TPRG1: variants seen among roughly 807,000 people sequenced by gnomAD.
TPRG1 encodes tumor protein p63 regulated 1.
A neutral mutation model predicts 29.3 loss-of-function variants in TPRG1; 29 were observed. The ratio of observed to expected loss-of-function variants is 0.99; its 90% confidence interval spans 0.74 to 1.35. TPRG1 has a LOEUF of 1.35. Ranked by LOEUF, TPRG1 falls within the 40% of genes most tolerant of loss-of-function variation. The pLI is 0.00. For synonymous variants in TPRG1, 130 were observed against 116.8 expected (o/e 1.11, Z -0.73); for missense variants, 327 against 335.0 (o/e 0.98, Z 0.19).
At chr3:189,023,089 C>T (rs968460776) in intron 3 of TPRG1, among the ~76,000 whole-genome samples, 3 of 152,226 alleles carry the variant, frequency 2.0e-5, no homozygotes, top group Admixed American at 6.5e-5. Context: ...CTTTGGCTCG[C>T]GCATGGTGCG....
intron 4 of TPRG1, among the ~76,000 whole-genome samples, chr3:189,308,786 C>T (rs1312750114): frequency 2.6e-5 from 4 of 152,076 alleles, no homozygotes; most frequent in African/African-American, 9.7e-5. Flanking sequence ...CATAAATTGA[C>T]ATATGAAGCA....
chr3:189,262,919 T>G (rs1713383545), intron 4 of TPRG1, among the ~76,000 whole-genome samples: 1 of 152,236 alleles, frequency 6.6e-6, no homozygotes. Context: ...TGTGGGCCTT[T>G]CCGTGAGGCT....
At chr3:189,034,494 A>G (rs1012730949) in intron 4 of TPRG1, among the ~76,000 whole-genome samples, 4 of 152,244 alleles carry the variant, frequency 2.6e-5, no homozygotes, top group African/African-American at 9.6e-5. Flanking sequence ...TATTGGCAAC[A>G]TAAACAATAT....
rs17489176 is a variant in TPRG1 at position 189,322,724 on chromosome 3, A to T, written c.*1904A>T. 0.021 allele frequency: 3,205 copies of T among 152,500 alleles called. 41 individuals are homozygous for T. The highest frequency in any genetic ancestry group is 0.034 in the Middle Eastern group (10 of 294). The allele number at this position is 152,500 out of a possible 1,614,324, so 9.4% of individuals were successfully genotyped here. ...CCTGACAATCGACTTCTCTCTGCAC[A>T]TTTGCCCCCTTTGTAACCTAAGCCA... On this transcript the variant is annotated 3_prime_UTR_variant, in exon 6 of 6. Transcript: ENST00000345063.
chr3:189,140,683 T>G (rs1724428422), intron 3 of TPRG1, among the ~76,000 whole-genome samples: 1 of 152,194 alleles, frequency 6.6e-6, no homozygotes, highest in African/African-American at 2.4e-5. Context: ...TACCTGCACC[T>G]TGAGCCTTTC....
In TPRG1 at chr3:189,320,829, T is replaced by G; in HGVS notation, c.*9T>G. 1 of 1,559,294 alleles carries G rather than the reference T, an allele frequency of 6.4e-7. No homozygotes were observed. The highest frequency in any genetic ancestry group is 8.7e-7 in the Non-Finnish European group (1 of 1,153,060). On this transcript the variant is annotated 3_prime_UTR_variant, in exon 6 of 6. Coordinates refer to ENST00000345063, the MANE Select transcript of TPRG1 (RefSeq NM_198485.4). ...GGAGTATTGGTTTTTGAGAGTCTTT[T>G]TGGTACCATAAGCATATCATCCACA... is the stretch of plus-strand genomic sequence containing the variant.
At chr3:189,317,060 A>G (rs930583936) in intron 5 of TPRG1, among the ~76,000 whole-genome samples, 1 of 152,156 alleles carries the variant, frequency 6.6e-6, no homozygotes, top group African/African-American at 2.4e-5. Context: ...TTGAGTATGA[A>G]ATAGTGCCAA....
chr3:189,198,939 CTTT>C (rs958451584), intron 1 of TPRG1, among the ~76,000 whole-genome samples: 1 of 152,124 alleles, frequency 6.6e-6, no homozygotes, highest in Non-Finnish European at 1.5e-5. Context: ...TCATTTTCTT[CTTT>C]ATGTATTTTT....
intron 1 of TPRG1, among the ~76,000 whole-genome samples, chr3:189,173,259 G>A (rs1452718712): frequency 6.6e-6 from 1 of 151,790 alleles, no homozygotes; most frequent in Non-Finnish European, 1.5e-5. Context: ...GTCATCCCTT[G>A]GGGCCACCAC....
chr3:189,129,581 C>T (rs1250125429), intron 2 of TPRG1, among the ~76,000 whole-genome samples: 2 of 152,126 alleles, frequency 1.3e-5, no homozygotes, highest in African/African-American at 4.8e-5. Flanking sequence ...CTAATTTTAG[C>T]CTCTTGTGGT....
At chr3:189,029,929 A>G (rs1017222863) in intron 4 of TPRG1, among the ~76,000 whole-genome samples, 1 of 152,224 alleles carries the variant, frequency 6.6e-6, no homozygotes, top group Non-Finnish European at 1.5e-5. Flanking sequence ...ATAAGCAGAT[A>G]TCAGCATCAG....
chr3:189,268,194 A>G (rs2109069571), intron 4 of TPRG1, among the ~76,000 whole-genome samples: 1 of 152,268 alleles, frequency 6.6e-6, no homozygotes, highest in African/African-American at 2.4e-5. Context: ...TTTGTCATGT[A>G]CACTCTTGAC....
chr3:189,219,808 G>A, intron 3 of TPRG1: 4 of 1,075,474 alleles, frequency 3.7e-6, no homozygotes, highest in Non-Finnish European at 4.6e-6. Flanking sequence ...GTTGCCTAAG[G>A]TATTTAAAAA....
At chr3:189,208,905 G>T (rs749174751) in intron 2 of TPRG1, among the ~76,000 whole-genome samples, 67 of 152,320 alleles carry the variant, frequency 4.4e-4, no homozygotes, top group Middle Eastern at 3.4e-3. Flanking sequence ...TGGGACTATG[G>T]AAAGTTGTTT....
chr3:189,307,775 A>G (rs1006693886), intron 4 of TPRG1, among the ~76,000 whole-genome samples: 1 of 152,202 alleles, frequency 6.6e-6, no homozygotes, highest in African/African-American at 2.4e-5. Context: ...ACTGGGCTAT[A>G]GCTTCCAAGA....
intron 3 of TPRG1, among the ~76,000 whole-genome samples, chr3:189,016,632 G>A (rs2152123639): frequency 6.6e-6 from 1 of 152,204 alleles, no homozygotes. Context: ...TGAGGGACCA[G>A]GTGGGAGGTA....
In TPRG1 at chr3:189,298,626, G is replaced by A. The variant is rs111737994; in HGVS notation, c.480-11760G>A. ...TGGTTGGTAGAATATACTCACTTTG[G>A]CAGGGAAGGGGCCACAGAATACCCA... On this transcript the variant is annotated intron_variant, in intron 4 of 5. Coordinates refer to ENST00000345063, the MANE Select transcript of TPRG1 (RefSeq NM_198485.4). Among the ~76,000 whole-genome samples, 222 of 152,210 alleles carry A rather than the reference G, an allele frequency of 1.5e-3. 1 individual carries two copies. The highest frequency in any genetic ancestry group is 6.8e-3 in the Middle Eastern group (2 of 294).
intron 4 of TPRG1, among the ~76,000 whole-genome samples, chr3:189,060,666 CA>C (rs1285752071): frequency 1.3e-5 from 2 of 151,992 alleles, no homozygotes; most frequent in African/African-American, 4.8e-5. Context: ...AGATGAGAGC[CA>C]AATCAGGAAG....
intron 1 of TPRG1, among the ~76,000 whole-genome samples, chr3:189,183,753 CCAAA>C (rs1274525665): frequency 2.0e-5 from 3 of 151,788 alleles, no homozygotes; most frequent in Non-Finnish European, 4.4e-5. Flanking sequence ...CTCTTGTTTC[CCAAA>C]CATTGTTGTT....
Sources: gnomAD v4.1 joint callset for allele counts (sites outside exome capture counted in the v4.1 genomes callset) on GRCh38, gnomAD v4.1.1 for gene constraint, MANE v1.5 for transcripts, NCBI Gene and HGNC (gene_info 2026-07-23, HGNC 2026-07-21) for gene names.